MACO1: variants seen among roughly 807,000 people sequenced by gnomAD.
MACO1 encodes macoilin 1.
Under a neutral mutation model 78.7 loss-of-function variants are expected in MACO1, and 14 were observed. The observed-to-expected ratio is 0.18, with a 90% CI of 0.12 to 0.28. The LOEUF (loss-of-function observed/expected upper bound fraction) is 0.28, where lower values mean the gene tolerates loss of function less well. MACO1 is among the 10% of genes least tolerant of loss of function. The probability of loss-of-function intolerance (pLI) is 1.00; values close to 1 mark genes in which losing one functional copy is unlikely to be tolerated. For missense variants in MACO1, 501 were observed against 799.0 expected, an observed-to-expected ratio of 0.63 and a Z score of 4.50; for synonymous variants, 288 against 291.6, an observed-to-expected ratio of 0.99 and a Z score of 0.12.
chr1:25,491,647 A>G, intron 10 of MACO1, 63 bp downstream of exon 10: 1 of 1,468,716 alleles, frequency 6.8e-7, no homozygotes, highest in Non-Finnish European at 9.5e-7. Context: ...TGCACAGGCC[A>G]GACCTCTCCT....
intron 1 of MACO1, 61 bp downstream of exon 1, chr1:25,431,239 G>GGGC: frequency 7.3e-7 from 1 of 1,378,158 alleles, no homozygotes; most frequent in Admixed American, 2.3e-5. Flanking sequence ...CAGCTCCGAG[G>GGGC]GGCCTGGCCC....
intron 9 of MACO1, among the ~76,000 whole-genome samples, chr1:25,489,527 A>G (rs139396197): frequency 6.6e-6 from 1 of 152,308 alleles, no homozygotes; most frequent in East Asian, 1.9e-4. Flanking sequence ...ATCCCTTGGT[A>G]TGTTTTATAC....
chr1:25,465,012 T>G (rs1457889944), intron 6 of MACO1, among the ~76,000 whole-genome samples: 1 of 149,174 alleles, frequency 6.7e-6, no homozygotes, highest in Non-Finnish European at 1.5e-5. Flanking sequence ...AGGAACTTAC[T>G]ATATTGCCCA....
chr1:25,442,713 G>C (rs1382982747), intron 1 of MACO1, among the ~76,000 whole-genome samples: 1 of 99,250 alleles, frequency 1.0e-5, no homozygotes, highest in Non-Finnish European at 2.1e-5. Context: ...GGAATAGAAT[G>C]GGGGGAAACC....
intron 6 of MACO1, among the ~76,000 whole-genome samples, chr1:25,476,433 T>C (rs1022857628): frequency 2.0e-5 from 3 of 152,218 alleles, no homozygotes; most frequent in Non-Finnish European, 4.4e-5. Context: ...TATTTCCAAA[T>C]CTGTGGTTTA....
chr1:25,440,544 G>A (rs1159013862), intron 1 of MACO1, among the ~76,000 whole-genome samples: 9 of 151,986 alleles, frequency 5.9e-5, no homozygotes, highest in African/African-American at 1.9e-4. Context: ...CAAGGCAGGC[G>A]GATCACCTGA....
chr1:25,477,918 A>C (rs1571981461), intron 6 of MACO1, among the ~76,000 whole-genome samples: 2 of 152,208 alleles, frequency 1.3e-5, no homozygotes, highest in African/African-American at 4.8e-5. Flanking sequence ...ATACTTAAAA[A>C]CAATACCCAT....
chr1:25,444,875 G>A (rs553964365), intron 1 of MACO1, among the ~76,000 whole-genome samples: 42 of 152,038 alleles, frequency 2.8e-4, no homozygotes, highest in Admixed American at 1.3e-3. Flanking sequence ...CCTGGCCCTC[G>A]TTTGTTCTTT....
intron 1 of MACO1, among the ~76,000 whole-genome samples, chr1:25,437,065 A>G (rs1292117438): frequency 6.6e-6 from 1 of 152,190 alleles, no homozygotes; most frequent in Non-Finnish European, 1.5e-5. Flanking sequence ...CCCACTCAGC[A>G]CAGAGGAGTG....
At chr1:25,483,671 A>G (rs762590639) in intron 6 of MACO1, among the ~76,000 whole-genome samples, 20 of 152,226 alleles carry the variant, frequency 1.3e-4, no homozygotes, top group Non-Finnish European at 2.1e-4. Context: ...GGTGGGACGC[A>G]GTCTCAGACA....
chr1:25,456,304 A>T (rs1182915671), intron 4 of MACO1, among the ~76,000 whole-genome samples: 1 of 151,988 alleles, frequency 6.6e-6, no homozygotes, highest in Non-Finnish European at 1.5e-5. Context: ...GTTCTAATGC[A>T]TAAGGCAGTT....
chr1:25,495,198 C>T (rs1363781690), intron 10 of MACO1, among the ~76,000 whole-genome samples: 1 of 152,138 alleles, frequency 6.6e-6, no homozygotes, highest in African/African-American at 2.4e-5. Flanking sequence ...TTCCCCCTGG[C>T]GTGAAGCAGC....
chr1:25,449,399 T>C (rs536552896), intron 3 of MACO1, among the ~76,000 whole-genome samples: 64 of 152,342 alleles, frequency 4.2e-4, no homozygotes, highest in African/African-American at 1.5e-3. Flanking sequence ...GGAACTTACC[T>C]ACTGTTCCTG....
chr1:25,451,406 A>G (rs185072086), intron 3 of MACO1, among the ~76,000 whole-genome samples: 12 of 152,262 alleles, frequency 7.9e-5, no homozygotes, highest in Admixed American at 2.0e-4. Flanking sequence ...AATGCTTTCA[A>G]TGTGATTTTG....
chr1:25,482,617 T>C (rs1395981073), intron 6 of MACO1, among the ~76,000 whole-genome samples: 1 of 152,238 alleles, frequency 6.6e-6, no homozygotes, highest in Non-Finnish European at 1.5e-5. Flanking sequence ...CTCTACCTGC[T>C]CTGCAAAGCC....
intron 6 of MACO1, among the ~76,000 whole-genome samples, chr1:25,478,142 G>A (rs2043339530): frequency 6.6e-6 from 1 of 152,204 alleles, no homozygotes; most frequent in South Asian, 2.1e-4. Context: ...CTACTCAGGA[G>A]GCTGAGGCAC....
In MACO1 at chr1:25,448,180, C is replaced by T. The variant is rs180702809; in HGVS notation, c.223-628C>T. Among the ~76,000 whole-genome samples, 3 of 152,108 alleles carry T rather than the reference C, an allele frequency of 2.0e-5. No homozygotes were observed. In the East Asian group the frequency reaches 5.8e-4, roughly 29 times the overall value. ...TTCTGTATTAAAATTCTAGTTTTTT[C>T]AGGGCCAGACGTGGTGGTTCACACC... On this transcript the variant is annotated intron_variant, in intron 2 of 10. Transcript: ENST00000374343.
chr1:25,468,668 A>G (rs902711469), intron 6 of MACO1, among the ~76,000 whole-genome samples: 3 of 152,224 alleles, frequency 2.0e-5, no homozygotes, highest in Non-Finnish European at 4.4e-5. Context: ...GTTTGCTCCC[A>G]TAATTAGTTC....
intron 9 of MACO1, among the ~76,000 whole-genome samples, chr1:25,490,601 A>T (rs1052674895): frequency 6.6e-6 from 1 of 152,334 alleles, no homozygotes; most frequent in African/African-American, 2.4e-5. Flanking sequence ...CCAATGAGTG[A>T]TGTACAGAGA....
Sources: allele counts gnomAD v4.1 joint callset (sites outside exome capture counted in the v4.1 genomes callset), GRCh38; gene constraint gnomAD v4.1.1; transcripts MANE v1.5; gene names NCBI Gene and HGNC (gene_info 2026-07-23, HGNC 2026-07-21).